MMP26: variants seen among roughly 807,000 people sequenced by gnomAD.
MMP26 encodes the protein matrix metalloproteinase-26.
A neutral mutation model predicts 31.0 loss-of-function variants in MMP26; 33 were observed. That is an observed-to-expected ratio of 1.06 (90% CI 0.81 to 1.42). The LOEUF (loss-of-function observed/expected upper bound fraction) is 1.42, where lower values mean the gene tolerates loss of function less well. Among genes scored for constraint, MMP26 ranks in the 40% most tolerant of loss-of-function variants. The pLI is 0.00. For synonymous variants in MMP26, 122 were observed against 114.9 expected (o/e 1.06, Z -0.40); for missense variants, 347 against 316.1 (o/e 1.10, Z -0.74).
chr11:4,984,714 A>G (rs1846861714), intron 2 of MMP26, among the ~76,000 whole-genome samples: 1 of 152,128 alleles, frequency 6.6e-6, no homozygotes, highest in African/African-American at 2.4e-5. Context: ...TTGTCAATTG[A>G]CAAATATAAA....
intron 1 of MMP26, among the ~76,000 whole-genome samples, chr11:4,741,435 A>G: frequency 6.6e-6 from 1 of 152,252 alleles, no homozygotes; most frequent in East Asian, 1.9e-4. Context: ...GGTAAAGAAA[A>G]TATGGTACAT....
chr11:4,910,465 G>A (rs945861184), intron 2 of MMP26, among the ~76,000 whole-genome samples: 10 of 152,014 alleles, frequency 6.6e-5, no homozygotes, highest in African/African-American at 1.9e-4. Flanking sequence ...TTAGGAGAGG[G>A]TGCACTCTGC....
chr11:4,974,212 T>C (rs1243996369), intron 2 of MMP26, among the ~76,000 whole-genome samples: 7 of 152,046 alleles, frequency 4.6e-5, no homozygotes, highest in African/African-American at 1.7e-4. Context: ...ACTCAAAGAC[T>C]TGAAACTTTT....
chr11:4,728,135 A>T (rs552706544), intron 1 of MMP26, among the ~76,000 whole-genome samples: 8 of 152,356 alleles, frequency 5.3e-5, no homozygotes, highest in African/African-American at 1.9e-4. Context: ...TGAAAAAGTT[A>T]TTAATAAAGA....
At chr11:4,709,121 T>C (rs1847823742) in intron 1 of MMP26, among the ~76,000 whole-genome samples, 1 of 152,226 alleles carries the variant, frequency 6.6e-6, no homozygotes, top group East Asian at 1.9e-4. Context: ...TTATAAACTT[T>C]AATGCACCTT....
intron 2 of MMP26, chr11:4,923,497 C>T: frequency 1.2e-6 from 2 of 1,614,022 alleles, no homozygotes; most frequent in Non-Finnish European, 1.7e-6. Flanking sequence ...CCAGCAGATA[C>T]ACATAGGACA....
intron 2 of MMP26, chr11:4,915,785 C>T (rs1010680726): frequency 1.8e-5 from 11 of 607,080 alleles, no homozygotes; most frequent in Non-Finnish European, 3.1e-5. Flanking sequence ...ATACCTAGAA[C>T]TGTGCAGCTC....
At chr11:4,907,337 A>G in intron 2 of MMP26, 1 of 1,423,698 alleles carries the variant, frequency 7.0e-7, no homozygotes, top group Non-Finnish European at 9.8e-7. Context: ...ATATGGTTTC[A>G]GATCCGGCTA....
chr11:4,859,796 A>G (rs770790696), intron 2 of MMP26: 7 of 471,324 alleles, frequency 1.5e-5, no homozygotes, highest in Non-Finnish European at 2.6e-5. Flanking sequence ...GCACCCATAA[A>G]AGGAACATAG....
chr11:4,758,044 C>G (rs536038411), intron 1 of MMP26, among the ~76,000 whole-genome samples: 2 of 152,148 alleles, frequency 1.3e-5, no homozygotes, highest in Admixed American at 6.6e-5. Flanking sequence ...ACACACAATA[C>G]ATGTATACAA....
chr11:4,831,215 A>G (rs903826246), intron 2 of MMP26, among the ~76,000 whole-genome samples: 1 of 152,136 alleles, frequency 6.6e-6, no homozygotes. Context: ...TTTCCATGAA[A>G]GGACAAATGA....
intron 1 of MMP26, among the ~76,000 whole-genome samples, chr11:4,753,196 T>A (rs780641003): frequency 3.9e-5 from 6 of 152,078 alleles, no homozygotes; most frequent in Admixed American, 1.3e-4. Context: ...TAATGCCACA[T>A]CCTCATCAGT....
chr11:4,933,990 T>C (rs1274374231), intron 2 of MMP26, among the ~76,000 whole-genome samples: 2 of 145,906 alleles, frequency 1.4e-5, no homozygotes. Context: ...ACATTTGGCT[T>C]GGTTCCAAGT....
chr11:4,848,164 T>C (rs1849901706), intron 2 of MMP26: 1 of 1,465,692 alleles, frequency 6.8e-7, no homozygotes, highest in Non-Finnish European at 9.2e-7. Context: ...CATTTCATGC[T>C]TGGTGAGCTG....
In MMP26 at chr11:4,721,257, C is replaced by T. The variant is rs75973986; in HGVS notation, c.-217+16212C>T. ...CATGATAGGGGTTTTATTAGGTACTCCATCCTGGACTGCTGTTAATAACAG... is the reference window on the plus strand; with the variant it reads ...CATGATAGGGGTTTTATTAGGTACTTCATCCTGGACTGCTGTTAATAACAG... On this transcript the variant is annotated intron_variant, in intron 1 of 7. Coordinates refer to ENST00000380390, the MANE Select transcript of MMP26 (RefSeq NM_021801.5). 6.9e-3 allele frequency among the ~76,000 whole-genome samples: 1,057 copies of T among 152,248 alleles called. 14 individuals are homozygous for T. Among genetic ancestry groups the T allele is most frequent in the African/African-American group, 0.024 (993 of 41,552 alleles).
At chr11:4,754,550 C>A (rs2133303861) in intron 1 of MMP26, among the ~76,000 whole-genome samples, 1 of 152,044 alleles carries the variant, frequency 6.6e-6, no homozygotes, top group Non-Finnish European at 1.5e-5. Flanking sequence ...ATGTATTAGT[C>A]AAAATATAAT....
intron 2 of MMP26, among the ~76,000 whole-genome samples, chr11:4,820,307 G>A (rs1434688815): frequency 6.6e-6 from 1 of 152,094 alleles, no homozygotes; most frequent in Non-Finnish European, 1.5e-5. Flanking sequence ...TATTTTCTTT[G>A]TTGAATAATA....
intron 2 of MMP26, among the ~76,000 whole-genome samples, chr11:4,768,606 A>G (rs1564904814): frequency 6.6e-6 from 1 of 152,192 alleles, no homozygotes; most frequent in Non-Finnish European, 1.5e-5. Flanking sequence ...ATGTCTATAA[A>G]TCTGTTCCAT....
chr11:4,769,448 A>T (rs1182231944), intron 2 of MMP26: 8 of 1,612,958 alleles, frequency 5.0e-6, no homozygotes, highest in African/African-American at 1.3e-5. Context: ...TGGCAATATT[A>T]GTACTATAGC....
Sources: gnomAD v4.1 joint callset for allele counts (sites outside exome capture counted in the v4.1 genomes callset) on GRCh38, gnomAD v4.1.1 for gene constraint, MANE v1.5 for transcripts, NCBI Gene and HGNC (gene_info 2026-07-23, HGNC 2026-07-21) for gene names.